The following IQCK variants were observed in gnomAD, a reference collection of about 807,000 sequenced individuals.
IQCK encodes IQ motif containing K, also known as IQ domain-containing protein K.
A neutral mutation model predicts 28.1 loss-of-function variants in IQCK; 29 were observed. That is an observed-to-expected ratio of 1.03 (90% confidence interval 0.77 to 1.41). The LOEUF (loss-of-function observed/expected upper bound fraction) is 1.41, where lower values mean the gene tolerates loss of function less well. Ranked by LOEUF, IQCK falls within the 40% of genes most tolerant of loss-of-function variation. IQCK has a pLI of 0.00. For synonymous variants in IQCK, 113 were observed against 115.1 expected (o/e 0.98, Z 0.12); for missense variants, 359 against 314.7 (o/e 1.14, Z -1.07).
intron 4 of IQCK, among the ~76,000 whole-genome samples, chr16:19,756,080 G>A (rs768426833): frequency 1.2e-4 from 18 of 152,076 alleles, no homozygotes; most frequent in Non-Finnish European, 2.5e-4. Context: ...GCTACCTGGG[G>A]GGCTGAGGCA....
chr16:19,746,029 C>G (rs1018651101), intron 4 of IQCK, among the ~76,000 whole-genome samples: 4 of 152,078 alleles, frequency 2.6e-5, no homozygotes, highest in African/African-American at 9.7e-5. Context: ...ATTAGCTAGG[C>G]CTGGTGGCAT....
At chr16:19,826,912 T>C (rs2056156635) in intron 7 of IQCK, 114 bp from the exon 8 acceptor site, 1 of 715,270 alleles carries the variant, frequency 1.4e-6, no homozygotes, top group Non-Finnish European at 2.5e-6. Flanking sequence ...CGATGATTCA[T>C]TGAGAATCAA....
At chr16:19,745,145 A>G (rs2054891694) in intron 4 of IQCK, among the ~76,000 whole-genome samples, 1 of 152,176 alleles carries the variant, frequency 6.6e-6, no homozygotes, top group Non-Finnish European at 1.5e-5. Flanking sequence ...ATAAAAGTTA[A>G]TGATAAGTAA....
chr16:19,735,308 G>A (rs1977976572), intron 3 of IQCK, 45 bp from the exon 4 acceptor site: 2 of 1,326,264 alleles, frequency 1.5e-6, no homozygotes, highest in African/African-American at 1.4e-5. Flanking sequence ...GATTGGCTCG[G>A]GCCACTGGGG....
At chr16:19,824,678 A>C (rs1297865557) in intron 7 of IQCK, among the ~76,000 whole-genome samples, 1 of 152,248 alleles carries the variant, frequency 6.6e-6, no homozygotes, top group Non-Finnish European at 1.5e-5. Flanking sequence ...CCACATATGT[A>C]AAATCACTCC....
At chr16:19,722,569 C>T (rs1395104326) in intron 1 of IQCK, among the ~76,000 whole-genome samples, 1 of 152,164 alleles carries the variant, frequency 6.6e-6, no homozygotes, top group African/African-American at 2.4e-5. Flanking sequence ...TGTTCTTAAG[C>T]ATTGAGCCAA....
intron 4 of IQCK, chr16:19,735,757 C>T (rs1977993612): frequency 4.1e-5 from 16 of 385,996 alleles, no homozygotes; most frequent in South Asian, 3.4e-4. Flanking sequence ...CTGTTTATTA[C>T]ATGCACTGAT....
In IQCK at chr16:19,818,351, T is replaced by G. The variant is rs569152571; in HGVS notation, c.691-8675T>G. ...GATTTGCATGACACACTACTTTGTGTGTGTGTGTGTGTGTGTATACACATA... is the reference window on the plus strand; with the variant it reads ...GATTTGCATGACACACTACTTTGTGGGTGTGTGTGTGTGTGTATACACATA... On this transcript the variant is annotated intron_variant, in intron 7 of 7. Transcript: ENST00000564186. Among the ~76,000 whole-genome samples the G allele has an allele frequency of 6.6e-5, 10 of 152,014 alleles. No individual in the cohort carries two copies. In the South Asian group the frequency reaches 1.2e-3, roughly 19 times the overall value.
At chr16:19,852,095 T>C (rs1210788274) in intron 9 of IQCK, among the ~76,000 whole-genome samples, 1 of 152,198 alleles carries the variant, frequency 6.6e-6, no homozygotes, top group Non-Finnish European at 1.5e-5. Context: ...GATCTACTGA[T>C]TTCCTGCCAT....
At chr16:19,729,266 C>T (rs1977754384) in intron 1 of IQCK, among the ~76,000 whole-genome samples, 1 of 152,124 alleles carries the variant, frequency 6.6e-6, no homozygotes, top group African/African-American at 2.4e-5. Flanking sequence ...CGGCGCCATG[C>T]CTGGCTAATT....
Position 19,825,307 on chromosome 16 carries a change from G to A in IQCK, c.691-1719G>A, listed in dbSNP as rs1273747041. ...AGGCCAAGGCGGATGGTTCACTTGA[G>A]GTCAGGAGTTCGAGACCAGCCTGAC... On this transcript the variant is annotated intron_variant, in intron 7 of 7. Transcript: ENST00000564186. The surrounding 1 kb of genome is among the most constrained non-coding windows in gnomAD (Gnocchi z 4.2). Among the ~76,000 whole-genome samples, 1 of 151,910 alleles carries A rather than the reference G, an allele frequency of 6.6e-6. No homozygotes were observed. Among genetic ancestry groups the A allele is most frequent in the Non-Finnish European group, 1.5e-5 (1 of 67,990 alleles).
intron 6 of IQCK, among the ~76,000 whole-genome samples, chr16:19,780,834 G>A (rs1164040106): frequency 5.9e-5 from 9 of 152,182 alleles, no homozygotes; most frequent in Admixed American, 2.6e-4. Flanking sequence ...GTTATTTACT[G>A]CATAATTTAG....
chr16:19,732,687 T>C (rs1157520006), intron 2 of IQCK, among the ~76,000 whole-genome samples: 2 of 152,134 alleles, frequency 1.3e-5, no homozygotes, highest in African/African-American at 4.8e-5. Flanking sequence ...GGTCTCAAAC[T>C]CCTAGACTCA....
chr16:19,797,613 CA>C (rs61289661), intron 7 of IQCK, among the ~76,000 whole-genome samples: 9,114 of 45,668 alleles, frequency 0.2, 1,390 homozygotes, highest in African/African-American at 0.46. Flanking sequence ...TGAGGCCTTG[CA>C]AAAAAAAAAA....
chr16:19,742,869 T>G (rs2054856581), intron 4 of IQCK, among the ~76,000 whole-genome samples: 1 of 152,160 alleles, frequency 6.6e-6, no homozygotes, highest in Non-Finnish European at 1.5e-5. Flanking sequence ...TGAATATGGA[T>G]TCTCAAAAGA....
At chr16:19,735,855 G>GAGCTC in intron 4 of IQCK, 1 of 334,732 alleles carries the variant, frequency 3.0e-6, no homozygotes, top group Non-Finnish European at 5.8e-6. Flanking sequence ...TTGATGCCAG[G>GAGCTC]AGCTCAAGAC....
intron 7 of IQCK, among the ~76,000 whole-genome samples, chr16:19,801,507 GT>G (rs1293399262): frequency 2.8e-5 from 4 of 144,056 alleles, no homozygotes; most frequent in African/African-American, 1.2e-4. Context: ...GTTTCATCAT[GT>G]TGCCCAGGCT....
At chr16:19,719,410 A>T (rs1977401054) in intron 1 of IQCK, among the ~76,000 whole-genome samples, 1 of 151,390 alleles carries the variant, frequency 6.6e-6, no homozygotes, top group African/African-American at 2.4e-5. Context: ...GCGCGGTGAA[A>T]CCCCGTCTCT....
chr16:19,735,306 C>T (rs555032106), intron 3 of IQCK, 47 bp from the exon 4 acceptor site: 18 of 1,283,786 alleles, frequency 1.4e-5, no homozygotes, highest in African/African-American at 4.4e-5. Context: ...CAGATTGGCT[C>T]GGGCCACTGG....
Sources: allele counts gnomAD v4.1 joint callset (sites outside exome capture counted in the v4.1 genomes callset), GRCh38; gene constraint gnomAD v4.1.1; non-coding constraint Gnocchi (gnomAD v3.1); transcripts MANE v1.5; gene names NCBI Gene and HGNC (gene_info 2026-07-23, HGNC 2026-07-21).